CELF2: variants seen among roughly 807,000 people sequenced by gnomAD.
CELF2 encodes CUGBP Elav-like family member 2, also known as CUG triplet repeat RNA-binding protein 2.
CELF2 carries 8 observed loss-of-function variants against 62.6 expected under a neutral mutation model. The observed-to-expected ratio is 0.13, with a 90% confidence interval of 0.07 to 0.23. The LOEUF is 0.23. Among genes scored for constraint, CELF2 ranks in the 10% least tolerant of loss-of-function variants. CELF2 has a pLI of 1.00. For synonymous variants in CELF2, 258 were observed against 250.0 expected, an observed-to-expected ratio of 1.03 and a Z score of -0.30; for missense variants, 333 against 671.0, an observed-to-expected ratio of 0.50 and a Z score of 5.56.
intron 1 of CELF2, among the ~76,000 whole-genome samples, chr10:10,834,691 T>A (rs1042355896): frequency 6.6e-6 from 1 of 152,244 alleles, no homozygotes; most frequent in Non-Finnish European, 1.5e-5. Context: ...GCCTTTCCTC[T>A]GCATAACAAT....
intron 1 of CELF2, among the ~76,000 whole-genome samples, chr10:10,854,027 CT>C (rs1197466876): frequency 6.6e-6 from 1 of 152,146 alleles, no homozygotes; most frequent in Admixed American, 6.5e-5. Flanking sequence ...AAATATTTTC[CT>C]GTTAAACATG....
the CELF2 span, among the ~76,000 whole-genome samples, chr10:10,599,725 C>CTTTCT: frequency 7.4e-6 from 1 of 134,558 alleles, no homozygotes; most frequent in African/African-American, 2.7e-5. Flanking sequence ...TTCTTTCTTT[C>CTTTCT]TTTTTTTTTT....
chr10:11,314,850 G>T lies in CELF2; in HGVS notation c.1096+592G>T. ...AACTGAGGGGAGAGGAGCCACTGCT[G>T]GCAGTGACATGATCAGAATCTTTAT... On this transcript the variant is annotated intron_variant, in intron 10 of 12. Transcript: ENST00000633077. This position sits in a 1 kb window ranked among gnomAD's most constrained non-coding sequence, Gnocchi z 5.3. 5.6e-6 allele frequency: 1 copy of T among 177,314 alleles called. No homozygotes were observed. The highest frequency in any genetic ancestry group is 5.7e-5 in the Admixed American group (1 of 17,690). 11.0% of individuals were successfully genotyped at this position (177,314 alleles called of 1,614,324 possible). A position where few individuals can be genotyped will look rare whatever the true frequency, so the allele number is the denominator to read the frequency against.
At chr10:10,657,991 C>T in the CELF2 span, among the ~76,000 whole-genome samples, 3 of 152,282 alleles carry the variant, frequency 2.0e-5, no homozygotes, top group East Asian at 5.8e-4. Context: ...AAAGTTACAG[C>T]TCCTGTGATT....
chr10:10,594,246 G>A, the CELF2 span, among the ~76,000 whole-genome samples: 1 of 152,306 alleles, frequency 6.6e-6, no homozygotes, highest in Non-Finnish European at 1.5e-5. Context: ...TAGCTTAGGT[G>A]ACTGGTGGAC....
In CELF2 at chr10:10,931,474, C is replaced by T. The variant is rs912399899; in HGVS notation, c.89+11475C>T. The stretch of plus-strand genomic sequence containing the variant: ...AGTGAGTAAGTGGAAACTCTATTTA[C>T]CACCACAGTTATAGCATTTGAGACC... On this transcript the variant is annotated intron_variant, in intron 2 of 13. Coordinates refer to the CELF2 transcript ENST00000636488. The surrounding 1 kb of genome is among the most constrained non-coding windows in gnomAD (Gnocchi z 6.1). Among the ~76,000 whole-genome samples the T allele has an allele frequency of 6.6e-6, 1 of 152,114 alleles. No individual in the cohort carries two copies. Among genetic ancestry groups the T allele is most frequent in the African/African-American group, 2.4e-5 (1 of 41,426 alleles).
the CELF2 span, among the ~76,000 whole-genome samples, chr10:10,684,736 C>A: frequency 5.3e-5 from 8 of 152,000 alleles, no homozygotes; most frequent in African/African-American, 1.4e-4. Flanking sequence ...AGAGCAGGAC[C>A]CTGTCTCAAC....
chr10:10,522,297 C>A, the CELF2 span, among the ~76,000 whole-genome samples: 4 of 152,320 alleles, frequency 2.6e-5, no homozygotes, highest in East Asian at 3.9e-4. Context: ...ATTCATCCAA[C>A]CAACATTAGG....
chr10:11,118,394 T>G (rs1013421462), intron 1 of CELF2, among the ~76,000 whole-genome samples: 2 of 152,156 alleles, frequency 1.3e-5, no homozygotes, highest in African/African-American at 4.8e-5. Context: ...CTTGAACTCC[T>G]GGCCTCAAGT....
At chr10:10,523,910 A>C in the CELF2 span, among the ~76,000 whole-genome samples, 8 of 152,214 alleles carry the variant, frequency 5.3e-5, no homozygotes, top group African/African-American at 1.9e-4. Flanking sequence ...AGAGCATCTT[A>C]AGCCTGTGAA....
intron 1 of CELF2, among the ~76,000 whole-genome samples, chr10:11,105,788 T>C (rs968622105): frequency 2.6e-5 from 4 of 152,196 alleles, no homozygotes; most frequent in Non-Finnish European, 5.9e-5. Flanking sequence ...CCGCTGCATG[T>C]CCACAGAGCT....
At chr10:10,761,326 G>T in the CELF2 span, among the ~76,000 whole-genome samples, 1 of 152,124 alleles carries the variant, frequency 6.6e-6, no homozygotes, top group South Asian at 2.1e-4. Context: ...TGAAGAAAAA[G>T]ATTATACAAT....
intron 2 of CELF2, among the ~76,000 whole-genome samples, chr10:10,999,409 A>G (rs1391774044): frequency 1.3e-5 from 2 of 152,256 alleles, no homozygotes; most frequent in African/African-American, 4.8e-5. Context: ...AGGGTGATAT[A>G]GAAAGGTAAC....
intron 1 of CELF2, among the ~76,000 whole-genome samples, chr10:10,885,364 T>C (rs547823135): frequency 1.3e-5 from 2 of 152,026 alleles, no homozygotes; most frequent in East Asian, 1.9e-4. Flanking sequence ...AAATGGTAGA[T>C]GTTTGTTTTT....
intron 1 of CELF2, among the ~76,000 whole-genome samples, chr10:10,835,681 C>T (rs913867577): frequency 8.5e-5 from 13 of 152,256 alleles, no homozygotes; most frequent in Non-Finnish European, 1.3e-4. Context: ...CCACGCCCAG[C>T]CCAGCAGATT....
At chr10:10,838,549 G>A (rs1333489666) in intron 1 of CELF2, among the ~76,000 whole-genome samples, 1 of 151,936 alleles carries the variant, frequency 6.6e-6, no homozygotes, top group Non-Finnish European at 1.5e-5. Context: ...ATTTATTTAG[G>A]TATTAAATTA....
intron 2 of CELF2, among the ~76,000 whole-genome samples, chr10:11,180,517 A>T (rs2072973851): frequency 6.6e-6 from 1 of 152,186 alleles, no homozygotes; most frequent in Non-Finnish European, 1.5e-5. Context: ...CCTCCTGATG[A>T]GGAAACCCAA....
At chr10:10,697,975 T>C in the CELF2 span, among the ~76,000 whole-genome samples, 1 of 152,268 alleles carries the variant, frequency 6.6e-6, no homozygotes, top group East Asian at 1.9e-4. Context: ...GTATTTTTAG[T>C]ACAGACAGGG....
upstream of CELF2, among the ~76,000 whole-genome samples, chr10:11,004,658 C>T (rs1221941774): frequency 6.6e-6 from 1 of 152,126 alleles, no homozygotes; most frequent in Admixed American, 6.5e-5. The surrounding 1 kb of genome is among the most constrained non-coding windows in gnomAD (Gnocchi z 5.0). Context: ...GCATTGCCTG[C>T]CTCCTTTAGA....
Sources: gnomAD v4.1 joint callset for allele counts (sites outside exome capture counted in the v4.1 genomes callset) on GRCh38, gnomAD v4.1.1 for gene constraint, Gnocchi (gnomAD v3.1) non-coding constraint, MANE v1.5 for transcripts, NCBI Gene and HGNC (gene_info 2026-07-23, HGNC 2026-07-21) for gene names.